Variants in ROBO1 observed in about 807,000 individuals in gnomAD.
ROBO1 encodes roundabout homolog 1.
A neutral mutation model predicts 195.9 loss-of-function variants in ROBO1; 149 were observed. The observed-to-expected ratio is 0.76, with a 90% CI of 0.67 to 0.87. ROBO1 has a LOEUF of 0.87. Ranked by LOEUF, ROBO1 falls within the 40% of genes least tolerant of loss-of-function variation. The pLI, the probability that ROBO1 is intolerant of heterozygous loss-of-function variation, is 0.00. For missense variants in ROBO1, 1,933 were observed against 2,068.3 expected (o/e 0.93, Z 1.27); for synonymous variants, 816 against 733.2 (o/e 1.11, Z -1.82).
intron 3 of ROBO1, among the ~76,000 whole-genome samples, chr3:79,074,730 C>T (rs2079143334): frequency 6.6e-6 from 1 of 151,664 alleles, no homozygotes; most frequent in African/African-American, 2.4e-5. Context: ...CACCTGGGAA[C>T]ATATGCTTTT....
chr3:79,023,111 G>A (rs986775783), intron 3 of ROBO1, among the ~76,000 whole-genome samples: 2 of 152,184 alleles, frequency 1.3e-5, no homozygotes, highest in East Asian at 1.9e-4. Flanking sequence ...GAATCAGACC[G>A]ACCCTGGGAT....
intron 2 of ROBO1, among the ~76,000 whole-genome samples, chr3:79,505,486 CA>C (rs1940341437): frequency 6.6e-6 from 1 of 152,178 alleles, no homozygotes; most frequent in South Asian, 2.1e-4. Context: ...CAAAGCTCAG[CA>C]GGCAGGATGA....
At chr3:79,091,118 T>C (rs2079472950) in intron 3 of ROBO1, among the ~76,000 whole-genome samples, 2 of 152,164 alleles carry the variant, frequency 1.3e-5, no homozygotes, top group African/African-American at 4.8e-5. Flanking sequence ...CTTACTCATC[T>C]CTGTTCATTC....
chr3:79,546,927 A>G (rs1293739658), intron 2 of ROBO1, among the ~76,000 whole-genome samples: 1 of 152,036 alleles, frequency 6.6e-6, no homozygotes, highest in African/African-American at 2.4e-5. Flanking sequence ...CACGCCTGTA[A>G]TCCCAGCACC....
At position 78,719,261 on chromosome 3, in the gene ROBO1, C is replaced by T. The variant is rs946800888; in HGVS notation, c.658-1378G>A. Reference sequence around the variant, plus strand: ...AGTCACTCCAAATACTGTTGTTGAACGTAAACTACTATTGTTAGTCTGTTA... The same window carrying T: ...AGTCACTCCAAATACTGTTGTTGAATGTAAACTACTATTGTTAGTCTGTTA... On this transcript the variant is annotated intron_variant, in intron 5 of 30. Transcript: ENST00000464233. 4.6e-5 allele frequency among the ~76,000 whole-genome samples: 7 copies of T among 152,094 alleles called. No individual in the cohort carries two copies. The South Asian group carries it at 1.0e-3, about 23-fold the overall frequency.
At chr3:79,215,267 A>G (rs761315432) in intron 2 of ROBO1, among the ~76,000 whole-genome samples, 3 of 152,170 alleles carry the variant, frequency 2.0e-5, no homozygotes, top group Non-Finnish European at 4.4e-5. Flanking sequence ...GTGTAGAAAT[A>G]GATCACGTGT....
chr3:78,838,730 A>G (rs1474685950), intron 4 of ROBO1, among the ~76,000 whole-genome samples: 3 of 152,202 alleles, frequency 2.0e-5, no homozygotes, highest in African/African-American at 7.2e-5. Context: ...ATGGGATCAA[A>G]GTCCAACATT....
chr3:79,418,438 G>A (rs946564105), intron 2 of ROBO1, among the ~76,000 whole-genome samples: 12 of 152,024 alleles, frequency 7.9e-5, no homozygotes, highest in African/African-American at 2.9e-4. Context: ...TGAATTTATT[G>A]TGTCCCTAAT....
intron 3 of ROBO1, among the ~76,000 whole-genome samples, chr3:79,074,084 ATTT>A (rs1304462403): frequency 6.6e-6 from 1 of 151,826 alleles, no homozygotes. Context: ...TGATTGTATT[ATTT>A]TTTATCTATT....
At chr3:78,670,470 C>G (rs1708004772) in intron 10 of ROBO1, 169 bp from the exon 11 acceptor site, 1 of 610,844 alleles carries the variant, frequency 1.6e-6, no homozygotes. Context: ...TGCACTGATT[C>G]AGAATACTAA....
intron 3 of ROBO1, among the ~76,000 whole-genome samples, chr3:79,106,389 T>C (rs1177732911): frequency 6.6e-6 from 1 of 151,626 alleles, no homozygotes; most frequent in Non-Finnish European, 1.5e-5. Flanking sequence ...TAATGAGCCT[T>C]AATTGTTACA....
At chr3:78,649,613 C>T (rs1360069699) in intron 19 of ROBO1, among the ~76,000 whole-genome samples, 1 of 152,034 alleles carries the variant, frequency 6.6e-6, no homozygotes, top group Non-Finnish European at 1.5e-5. Context: ...AAATTACTGG[C>T]ATTGACTTTG....
At chr3:79,141,535 G>C (rs7619949) in intron 2 of ROBO1, among the ~76,000 whole-genome samples, 108,617 of 150,956 alleles carry the variant, frequency 0.72, 39,132 homozygotes, top group East Asian at 0.79. Context: ...TTTCCTCTCA[G>C]TGTGAGAGTG....
intron 2 of ROBO1, among the ~76,000 whole-genome samples, chr3:79,504,500 AT>A (rs1172832290): frequency 1.3e-5 from 2 of 152,166 alleles, no homozygotes; most frequent in African/African-American, 2.4e-5. Context: ...TGAAAGATAT[AT>A]TTTTTAAGCT....
At chr3:78,821,945 G>A (rs1443902862) in intron 4 of ROBO1, among the ~76,000 whole-genome samples, 1 of 152,074 alleles carries the variant, frequency 6.6e-6, no homozygotes, top group East Asian at 1.9e-4. Context: ...GCATTCATGA[G>A]CAGATAGATT....
chr3:78,921,672 G>C (rs931191498), intron 4 of ROBO1, among the ~76,000 whole-genome samples: 2 of 152,140 alleles, frequency 1.3e-5, no homozygotes, highest in Non-Finnish European at 2.9e-5. Flanking sequence ...AAAGTTCACT[G>C]ACACAGAAAC....
intron 2 of ROBO1, among the ~76,000 whole-genome samples, chr3:79,291,835 T>G (rs533477324): frequency 2.6e-5 from 4 of 152,290 alleles, no homozygotes; most frequent in South Asian, 4.1e-4. Flanking sequence ...CCCAAGTTTT[T>G]TGAAATATAG....
At chr3:78,770,133 G>A (rs968405135) in intron 4 of ROBO1, among the ~76,000 whole-genome samples, 2 of 152,088 alleles carry the variant, frequency 1.3e-5, no homozygotes, top group Admixed American at 6.6e-5. Context: ...CTTTTGCAGG[G>A]CCAGGCAAGT....
chr3:79,594,905 T>A (rs1279704217), intron 1 of ROBO1, among the ~76,000 whole-genome samples: 2 of 151,994 alleles, frequency 1.3e-5, no homozygotes, highest in Non-Finnish European at 2.9e-5. Flanking sequence ...TTAGGTCTAA[T>A]TTGCAAGAAA....
Sources: gnomAD v4.1 joint callset for allele counts (sites outside exome capture counted in the v4.1 genomes callset) on GRCh38, gnomAD v4.1.1 for gene constraint, MANE v1.5 for transcripts, NCBI Gene and HGNC (gene_info 2026-07-23, HGNC 2026-07-21) for gene names.